HLCS: variants seen among roughly 807,000 people sequenced by gnomAD.
The protein encoded by HLCS is biotin--protein ligase.
A neutral mutation model predicts 75.0 loss-of-function variants in HLCS; 53 were observed. The ratio of observed to expected loss-of-function variants is 0.71; its 90% CI spans 0.57 to 0.89. The LOEUF (loss-of-function observed/expected upper bound fraction) is 0.89. HLCS is among the 40% of genes least tolerant of loss of function. HLCS has a pLI of 0.00. For missense variants in HLCS, 966 were observed against 1,074.0 expected, an observed-to-expected ratio of 0.90 and a Z score of 1.41; for synonymous variants, 431 against 428.6, an observed-to-expected ratio of 1.01 and a Z score of -0.07.
chr21:36,927,179 C>A (rs2066445635), intron 5 of HLCS, among the ~76,000 whole-genome samples: 1 of 152,220 alleles, frequency 6.6e-6, no homozygotes, highest in African/African-American at 2.4e-5. Flanking sequence ...AACGTGAAAG[C>A]CTTGGTCGGA....
At chr21:36,797,846 T>C (rs1242007647) in intron 6 of HLCS, among the ~76,000 whole-genome samples, 2 of 152,222 alleles carry the variant, frequency 1.3e-5, no homozygotes, top group East Asian at 1.9e-4. Flanking sequence ...CACTGGTTTA[T>C]TGAGCATTTA....
chr21:36,865,600 T>A (rs1235604546), intron 6 of HLCS, among the ~76,000 whole-genome samples: 2 of 152,204 alleles, frequency 1.3e-5, no homozygotes, highest in Non-Finnish European at 2.9e-5. Context: ...CTTCAGTCTT[T>A]GTACCGTTTT....
At chr21:36,914,946 C>T (rs1037508577) in intron 5 of HLCS, among the ~76,000 whole-genome samples, 6 of 152,262 alleles carry the variant, frequency 3.9e-5, no homozygotes, top group Admixed American at 2.6e-4. Context: ...GCATGGAAAA[C>T]GCTGGGGCTG....
intron 6 of HLCS, among the ~76,000 whole-genome samples, chr21:36,891,426 G>A (rs149045406): frequency 3.3e-5 from 5 of 152,270 alleles, no homozygotes; most frequent in South Asian, 2.1e-4. Context: ...CCTAGGAACC[G>A]GTACCTGAAC....
At chr21:36,828,071 C>A (rs112908943) in intron 6 of HLCS, among the ~76,000 whole-genome samples, 4 of 152,046 alleles carry the variant, frequency 2.6e-5, no homozygotes, top group Non-Finnish European at 2.9e-5. Flanking sequence ...CCTTGGCCCC[C>A]CAAAGTGCTG....
At chr21:36,816,488 G>A (rs906340125) in intron 6 of HLCS, among the ~76,000 whole-genome samples, 2 of 152,168 alleles carry the variant, frequency 1.3e-5, no homozygotes, top group African/African-American at 2.4e-5. Flanking sequence ...GTTCAGTAAC[G>A]TTGCCTGTTA....
At chr21:36,883,529 C>T (rs2064319170) in intron 6 of HLCS, among the ~76,000 whole-genome samples, 1 of 152,236 alleles carries the variant, frequency 6.6e-6, no homozygotes, top group Non-Finnish European at 1.5e-5. Flanking sequence ...AAAGTTTCTA[C>T]TTAGAAACTA....
chr21:36,788,424 C>T (rs2060760422), intron 6 of HLCS, among the ~76,000 whole-genome samples: 1 of 152,182 alleles, frequency 6.6e-6, no homozygotes, highest in Non-Finnish European at 1.5e-5. Flanking sequence ...ACACACTGGC[C>T]CACGGAATGA....
chr21:36,821,243 G>A (rs914304338), intron 6 of HLCS, among the ~76,000 whole-genome samples: 2 of 152,172 alleles, frequency 1.3e-5, no homozygotes, highest in Non-Finnish European at 2.9e-5. Flanking sequence ...TGGCCACTGT[G>A]TCCAGGGGAT....
intron 6 of HLCS, among the ~76,000 whole-genome samples, chr21:36,791,060 C>G (rs1376485472): frequency 3.3e-5 from 5 of 152,102 alleles, no homozygotes; most frequent in Non-Finnish European, 7.4e-5. Context: ...CTAAATATGC[C>G]TCAGCAGAGA....
intron 6 of HLCS, among the ~76,000 whole-genome samples, chr21:36,810,100 C>T (rs147177799): frequency 6.6e-6 from 1 of 152,328 alleles, no homozygotes; most frequent in African/African-American, 2.4e-5. Flanking sequence ...ATATCTGCTT[C>T]CCCTTGGGGT....
chr21:36,819,965 A>G (rs1374332956), intron 6 of HLCS, among the ~76,000 whole-genome samples: 1 of 152,256 alleles, frequency 6.6e-6, no homozygotes, highest in Non-Finnish European at 1.5e-5. Context: ...AAAAAGAGCC[A>G]TCCTACCTAA....
At chr21:36,783,590 A>C (rs1005706741) in intron 6 of HLCS, among the ~76,000 whole-genome samples, 5 of 152,186 alleles carry the variant, frequency 3.3e-5, no homozygotes, top group African/African-American at 1.2e-4. Flanking sequence ...GGAAAGGAAC[A>C]AAGAACTGGC....
intron 6 of HLCS, among the ~76,000 whole-genome samples, chr21:36,826,475 G>A (rs988339679): frequency 6.6e-6 from 1 of 152,200 alleles, no homozygotes; most frequent in African/African-American, 2.4e-5. Flanking sequence ...GGTTAAAGAA[G>A]GTGCTGAACG....
At chr21:36,781,787 T>TA (rs2060542154) in intron 6 of HLCS, among the ~76,000 whole-genome samples, 1 of 152,180 alleles carries the variant, frequency 6.6e-6, no homozygotes, top group African/African-American at 2.4e-5. Flanking sequence ...CCATGTTTCT[T>TA]AGTGTTTCCC....
intron 6 of HLCS, among the ~76,000 whole-genome samples, chr21:36,803,742 TG>T (rs1228462068): frequency 3.2e-5 from 3 of 92,716 alleles, no homozygotes; most frequent in South Asian, 4.8e-4. Flanking sequence ...TTGTTTTGTT[TG>T]TTTTTTTATT....
rs2123552522 is a variant in HLCS, at chr21:36,753,779, A to G, written c.*467T>C. The G allele has an allele frequency of 4.9e-6, 1 of 203,106 alleles. No homozygotes were observed. Among genetic ancestry groups the G allele is most frequent in the East Asian group, 1.3e-4 (1 of 7,618 alleles). The allele number at this position is 203,106 out of a possible 1,614,324, so 12.6% of individuals were successfully genotyped here. On this transcript the variant is annotated 3_prime_UTR_variant, in exon 11 of 11. Transcript: ENST00000674895. This position sits in a 1 kb window ranked among gnomAD's most constrained non-coding sequence, Gnocchi z 4.3. ...CAGAACAATGACTAAGTGTCCAAGC[A>G]TGTTCTTACAGTTCAGTACCTCCCC...
At position 36,966,651 on chromosome 21, in the gene HLCS, G is replaced by T; in HGVS notation, c.-13C>A. On this transcript the variant is annotated 5_prime_UTR_variant, in exon 1 of 11. Transcript: ENST00000674895. Reference sequence around the variant, plus strand: ...GCGTGATGAGCATGGCCGCGCCGCCGGCAGGGCGAGCCCGCCTTGCCCGCC... The same window carrying T: ...GCGTGATGAGCATGGCCGCGCCGCCTGCAGGGCGAGCCCGCCTTGCCCGCC... The T allele has an allele frequency of 1.0e-6, 1 of 979,114 alleles. No individual in the cohort carries two copies. The highest frequency in any genetic ancestry group is 1.2e-6 in the Non-Finnish European group (1 of 826,466). 60.7% of individuals were successfully genotyped at this position (979,114 alleles called of 1,614,324 possible).
intron 5 of HLCS, among the ~76,000 whole-genome samples, chr21:36,913,832 T>A (rs940975336): frequency 3.3e-5 from 5 of 152,152 alleles, no homozygotes; most frequent in African/African-American, 1.2e-4. Flanking sequence ...GACAAGGCTG[T>A]GAGAGGACAC....
Sources: gnomAD v4.1 joint callset for allele counts (sites outside exome capture counted in the v4.1 genomes callset) on GRCh38, gnomAD v4.1.1 for gene constraint, Gnocchi (gnomAD v3.1) non-coding constraint, MANE v1.5 for transcripts, NCBI Gene and HGNC (gene_info 2026-07-23, HGNC 2026-07-21) for gene names.